The following L3MBTL4 variants were observed in gnomAD, a reference collection of about 807,000 sequenced individuals.
L3MBTL4 encodes L3MBTL histone methyl-lysine binding protein 4.
In L3MBTL4, 70 loss-of-function variants were observed where a neutral mutation model predicts 84.5. The ratio of observed to expected loss-of-function variants is 0.83; its 90% CI spans 0.68 to 1.01. L3MBTL4 has a LOEUF of 1.01. Ranked by LOEUF, L3MBTL4 falls within the 50% of genes least tolerant of loss-of-function variation. The pLI is 0.00. For missense variants in L3MBTL4, 715 were observed against 754.8 expected (o/e 0.95, Z 0.62); for synonymous variants, 274 against 259.8 (o/e 1.05, Z -0.52).
At chr18:6,117,148 A>G (rs1486221671) in intron 14 of L3MBTL4, among the ~76,000 whole-genome samples, 1 of 152,210 alleles carries the variant, frequency 6.6e-6, no homozygotes, top group African/African-American at 2.4e-5. Context: ...GATCTTGTGG[A>G]AAAATCCCTT....
chr18:6,051,330 G>C (rs1354028886), intron 16 of L3MBTL4, among the ~76,000 whole-genome samples: 1 of 152,198 alleles, frequency 6.6e-6, no homozygotes, highest in Non-Finnish European at 1.5e-5. Flanking sequence ...CCCGAGGTCA[G>C]GAGTTCGAGA....
intron 4 of L3MBTL4, among the ~76,000 whole-genome samples, chr18:6,290,465 T>A (rs139297740): frequency 2.0e-5 from 3 of 152,258 alleles, no homozygotes; most frequent in African/African-American, 7.2e-5. Flanking sequence ...AGCTTTTTGA[T>A]TATCACTATG....
chr18:6,056,680 T>C (rs1306643018), intron 16 of L3MBTL4, among the ~76,000 whole-genome samples: 1 of 152,160 alleles, frequency 6.6e-6, no homozygotes, highest in Non-Finnish European at 1.5e-5. Context: ...ACCCCACTTC[T>C]AATGGCACTT....
intron 4 of L3MBTL4, among the ~76,000 whole-genome samples, chr18:6,285,857 G>A (rs1391727460): frequency 2.9e-5 from 4 of 137,362 alleles, no homozygotes; most frequent in South Asian, 4.6e-4. Flanking sequence ...TTCCTAAGAC[G>A]AGTCTCACTC....
chr18:6,240,875 T>C (rs558141690), intron 8 of L3MBTL4, among the ~76,000 whole-genome samples: 2 of 152,356 alleles, frequency 1.3e-5, no homozygotes, highest in African/African-American at 4.8e-5. Flanking sequence ...GAAGGTTCAC[T>C]AGATTTCTGG....
At chr18:6,354,281 A>G (rs891210497) in intron 1 of L3MBTL4, among the ~76,000 whole-genome samples, 2 of 152,178 alleles carry the variant, frequency 1.3e-5, no homozygotes, top group African/African-American at 4.8e-5. Flanking sequence ...CAAAAATCAC[A>G]TGAAAACAAA....
rs954597338 is a variant in L3MBTL4 at position 6,119,495 on chromosome 18, G to T, written c.1199+18699C>A. On this transcript the variant is annotated intron_variant, in intron 14 of 18. Transcript: ENST00000317931. ...CAAAGAATTCTTAGATAAACGTGTGGGTGGTAGGGGTGAGAGAAAGAGGCA... is the reference window on the plus strand; with the variant it reads ...CAAAGAATTCTTAGATAAACGTGTGTGTGGTAGGGGTGAGAGAAAGAGGCA... Among the ~76,000 whole-genome samples the T allele has an allele frequency of 3.3e-5, 5 of 151,736 alleles. No individual in the cohort carries two copies. In the South Asian group the frequency reaches 1.0e-3, roughly 31 times the overall value.
At chr18:6,275,474 A>G (rs1473432736) in intron 4 of L3MBTL4, among the ~76,000 whole-genome samples, 1 of 152,172 alleles carries the variant, frequency 6.6e-6, no homozygotes, top group Admixed American at 6.5e-5. Context: ...GGCTGGAGAA[A>G]GAGGTGACAT....
rs373287725 is a variant in L3MBTL4 at position 6,093,513 on chromosome 18, C to T, written c.1215G>A (p.Pro405=). ...YSGHHSAFGC[P]YSDMNLKKEA... ...CCTTTTTCAAGTTCATGTCTGAATA[C>T]GGGCAGCCAAAAGCACTGGTTTGTA... Residue 405 remains proline (P), a synonymous_variant, in exon 15 of 19, where the codon CCG becomes CCA. Transcript: ENST00000317931. 296 of 1,612,500 alleles carry T rather than the reference C, an allele frequency of 1.8e-4. 2 individuals are homozygous for T. The highest frequency in any genetic ancestry group is 1.5e-3 in the South Asian group (139 of 90,666).
chr18:6,183,931 C>T (rs377010588), intron 12 of L3MBTL4, among the ~76,000 whole-genome samples: 5 of 151,928 alleles, frequency 3.3e-5, no homozygotes, highest in Admixed American at 6.5e-5. Context: ...GTTAGTCTAA[C>T]GTTGCAAAAT....
At chr18:6,315,645 T>A (rs2051053363) in intron 1 of L3MBTL4, among the ~76,000 whole-genome samples, 1 of 152,344 alleles carries the variant, frequency 6.6e-6, no homozygotes, top group Admixed American at 6.5e-5. Context: ...GTAGCTTTTT[T>A]AACTATATTG....
chr18:6,003,388 A>G (rs1254324278), intron 16 of L3MBTL4, among the ~76,000 whole-genome samples: 3 of 151,882 alleles, frequency 2.0e-5, no homozygotes, highest in African/African-American at 7.2e-5. Context: ...CTAATAAAGG[A>G]CTCTCAGAAT....
chr18:6,132,849 A>G (rs1406688327), intron 14 of L3MBTL4, among the ~76,000 whole-genome samples: 2 of 152,176 alleles, frequency 1.3e-5, no homozygotes, highest in Non-Finnish European at 2.9e-5. Context: ...GGGAGAGGTC[A>G]GTCAGAAACA....
At position 6,000,086 on chromosome 18, in the gene L3MBTL4, G is replaced by A. The variant is rs1181714544; in HGVS notation, c.1445-30524C>T. On this transcript the variant is annotated intron_variant, in intron 16 of 18. Coordinates refer to ENST00000317931, the MANE Select transcript of L3MBTL4 (RefSeq NM_001330559.2). Reference sequence around the variant, plus strand: ...AAATTGAACTCATTAAGTAATGAGTGAGCTCAGAAAAAAGAAAGAAGAAAA... The same window carrying A: ...AAATTGAACTCATTAAGTAATGAGTAAGCTCAGAAAAAAGAAAGAAGAAAA... 3.3e-5 allele frequency among the ~76,000 whole-genome samples: 5 copies of A among 151,878 alleles called. No individual in the cohort carries two copies. The South Asian group carries it at 6.3e-4, about 19-fold the overall frequency.
chr18:6,254,794 T>C (rs971444796), intron 5 of L3MBTL4, among the ~76,000 whole-genome samples: 2 of 152,188 alleles, frequency 1.3e-5, no homozygotes, highest in African/African-American at 4.8e-5. Flanking sequence ...AAGCTACTAA[T>C]AGTAAGAAAT....
chr18:6,100,656 G>C, intron 14 of L3MBTL4, among the ~76,000 whole-genome samples: 1 of 152,200 alleles, frequency 6.6e-6, no homozygotes, highest in East Asian at 1.9e-4. Flanking sequence ...GGGGAAGGGG[G>C]GCACTTCCTC....
At chr18:6,168,724 C>G (rs2043811116) in intron 13 of L3MBTL4, among the ~76,000 whole-genome samples, 1 of 152,080 alleles carries the variant, frequency 6.6e-6, no homozygotes, top group Non-Finnish European at 1.5e-5. Flanking sequence ...CATAAAAACC[C>G]TAGAAGAAAA....
intron 14 of L3MBTL4, among the ~76,000 whole-genome samples, chr18:6,127,549 A>T (rs1425444878): frequency 6.6e-6 from 1 of 152,214 alleles, no homozygotes; most frequent in Non-Finnish European, 1.5e-5. Context: ...CAGATTGGAA[A>T]ATTGAATTCA....
intron 14 of L3MBTL4, among the ~76,000 whole-genome samples, chr18:6,117,043 G>A (rs1465152655): frequency 2.0e-5 from 3 of 152,196 alleles, no homozygotes; most frequent in Non-Finnish European, 2.9e-5. Context: ...TTCACACAAC[G>A]TGATGTTTGT....
Sources: allele counts gnomAD v4.1 joint callset (sites outside exome capture counted in the v4.1 genomes callset), GRCh38; gene constraint gnomAD v4.1.1; transcripts MANE v1.5; gene names NCBI Gene and HGNC (gene_info 2026-07-23, HGNC 2026-07-21).